Variants in CNTNAP2 observed in about 807,000 individuals in gnomAD.
The protein encoded by CNTNAP2 is contactin-associated protein-like 2.
In CNTNAP2, 98 loss-of-function variants were observed where a neutral mutation model predicts 155.2. The observed-to-expected ratio is 0.63, with a 90% CI of 0.54 to 0.75. CNTNAP2 has a LOEUF of 0.75. CNTNAP2 is among the 30% of genes least tolerant of loss of function. The probability of loss-of-function intolerance (pLI) is 0.00; values close to 1 mark genes in which losing one functional copy is unlikely to be tolerated. For synonymous variants in CNTNAP2, 651 were observed against 631.2 expected, an observed-to-expected ratio of 1.03 and a Z score of -0.47; for missense variants, 1,727 against 1,688.1, an observed-to-expected ratio of 1.02 and a Z score of -0.40.
At chr7:146,182,822 A>G (rs1178824703) in intron 1 of CNTNAP2, among the ~76,000 whole-genome samples, 1 of 151,756 alleles carries the variant, frequency 6.6e-6, no homozygotes, top group Non-Finnish European at 1.5e-5. Flanking sequence ...TGTCTCTCTC[A>G]CTCTTGTACC....
chr7:148,133,124 C>T (rs1406603343), intron 16 of CNTNAP2, among the ~76,000 whole-genome samples: 1 of 151,992 alleles, frequency 6.6e-6, no homozygotes, highest in South Asian at 2.1e-4. Flanking sequence ...ATAAGCTGCT[C>T]TACCCAGTAA....
chr7:147,995,529 G>GTTT lies in CNTNAP2; in HGVS notation c.2383+17542_2383+17543insTTT, dbSNP rs201683391. 2.6e-5 allele frequency among the ~76,000 whole-genome samples: 3 copies of GTTT among 114,112 alleles called. 1 individual carries two copies. Among genetic ancestry groups the GTTT allele is most frequent in the African/African-American group, 7.5e-5 (2 of 26,652 alleles). 74.9% of individuals were successfully genotyped at this position (114,112 alleles called of 152,430 possible). Reference sequence around the variant, plus strand: ...TTGTCCTGCCTCTTCTAATTCTTTTGTTGTTTTTTTTTTTTTGAGATGGAA... The same window carrying GTTT: ...TTGTCCTGCCTCTTCTAATTCTTTTGTTTTTGTTTTTTTTTTTTTGAGATGGAA... On this transcript the variant is annotated intron_variant, in intron 15 of 23. Transcript: ENST00000361727.
intron 3 of CNTNAP2, among the ~76,000 whole-genome samples, chr7:146,974,707 G>A (rs1220301541): frequency 1.3e-5 from 2 of 152,116 alleles, no homozygotes; most frequent in Admixed American, 6.5e-5. Context: ...CTCTTTAGAA[G>A]CAAGAATAGG....
chr7:148,267,197 A>G (rs1231172177), intron 21 of CNTNAP2, 71 bp downstream of exon 21: 4 of 1,338,666 alleles, frequency 3.0e-6, no homozygotes, highest in Non-Finnish European at 4.3e-6. Context: ...TTGGATTTTA[A>G]AACTATCAGG....
chr7:147,978,789 T>C (rs952788226), intron 15 of CNTNAP2, among the ~76,000 whole-genome samples: 4 of 152,068 alleles, frequency 2.6e-5, no homozygotes, highest in African/African-American at 9.7e-5. Context: ...TCTATGCTTT[T>C]GTGATTGTGT....
At chr7:148,337,118 G>C (rs563642182) in intron 21 of CNTNAP2, among the ~76,000 whole-genome samples, 1 of 152,292 alleles carries the variant, frequency 6.6e-6, no homozygotes, top group South Asian at 2.1e-4. Context: ...CAAGGTGCTA[G>C]TGATATCAAC....
intron 13 of CNTNAP2, among the ~76,000 whole-genome samples, chr7:147,877,023 T>G (rs1176463107): frequency 6.6e-6 from 1 of 152,100 alleles, no homozygotes; most frequent in Non-Finnish European, 1.5e-5. Flanking sequence ...AGGGCCCACG[T>G]GGGGCTGTTT....
At chr7:146,356,270 T>G (rs1367954954) in intron 1 of CNTNAP2, among the ~76,000 whole-genome samples, 1 of 152,224 alleles carries the variant, frequency 6.6e-6, no homozygotes, top group Admixed American at 6.5e-5. Context: ...AATCTTTGCA[T>G]TTAGAATGCA....
intron 3 of CNTNAP2, among the ~76,000 whole-genome samples, chr7:146,968,796 G>A (rs1407675500): frequency 6.7e-6 from 1 of 150,032 alleles, no homozygotes; most frequent in East Asian, 1.9e-4. Context: ...AGGGTTTTTT[G>A]TGTCTCTATT....
intron 9 of CNTNAP2, among the ~76,000 whole-genome samples, chr7:147,317,924 T>TC (rs1383986228): frequency 1.3e-5 from 2 of 152,012 alleles, no homozygotes; most frequent in Admixed American, 1.3e-4. Flanking sequence ...CTCTTTCTTC[T>TC]TACCTAGTTT....
chr7:147,155,971 A>G (rs532655011), intron 8 of CNTNAP2, among the ~76,000 whole-genome samples: 2 of 152,228 alleles, frequency 1.3e-5, no homozygotes, highest in African/African-American at 4.8e-5. Context: ...TACTGATACC[A>G]TTTAGTAGGT....
intron 2 of CNTNAP2, among the ~76,000 whole-genome samples, chr7:146,787,773 T>C (rs1214115955): frequency 2.0e-5 from 3 of 152,208 alleles, no homozygotes; most frequent in African/African-American, 7.2e-5. Flanking sequence ...TTGGTCCGTT[T>C]TGACAGAGTG....
intron 1 of CNTNAP2, among the ~76,000 whole-genome samples, chr7:146,298,267 C>T (rs1290875550): frequency 2.0e-5 from 3 of 152,096 alleles, no homozygotes; most frequent in Admixed American, 6.5e-5. Context: ...TGTTTCTTCA[C>T]GAGTCTTCAA....
At chr7:147,596,405 T>A (rs1800828186) in intron 12 of CNTNAP2, among the ~76,000 whole-genome samples, 1 of 152,214 alleles carries the variant, frequency 6.6e-6, no homozygotes, top group Admixed American at 6.5e-5. Context: ...CTTCTACCCC[T>A]ACCTACCCCA....
chr7:146,920,275 A>T (rs960496249), intron 3 of CNTNAP2, among the ~76,000 whole-genome samples: 2 of 152,024 alleles, frequency 1.3e-5, no homozygotes, highest in East Asian at 3.9e-4. Context: ...TTAGTCGATC[A>T]TGGTGGCAGG....
At chr7:146,587,603 C>A (rs147062782) in intron 1 of CNTNAP2, among the ~76,000 whole-genome samples, 1 of 152,058 alleles carries the variant, frequency 6.6e-6, no homozygotes, top group South Asian at 2.1e-4. Context: ...TTTATATGCA[C>A]GTATGATGGT....
chr7:148,406,715 G>A (rs973577657), intron 22 of CNTNAP2, among the ~76,000 whole-genome samples: 1 of 152,198 alleles, frequency 6.6e-6, no homozygotes, highest in Non-Finnish European at 1.5e-5. Flanking sequence ...GGGCAGTAAC[G>A]GTGCAAGTTT....
At chr7:148,340,749 A>G (rs977371717) in intron 21 of CNTNAP2, among the ~76,000 whole-genome samples, 1 of 152,218 alleles carries the variant, frequency 6.6e-6, no homozygotes, top group Non-Finnish European at 1.5e-5. Flanking sequence ...ACAATTAGGA[A>G]AGCGTGGATT....
chr7:146,882,684 A>G lies in CNTNAP2; in HGVS notation c.402+42780A>G, dbSNP rs528442694. Among the ~76,000 whole-genome samples the G allele has an allele frequency of 2.6e-5, 4 of 152,278 alleles. No homozygotes were observed. In the South Asian group the frequency reaches 6.2e-4, roughly 24 times the overall value. Reference sequence around the variant, plus strand: ...CAGTTCTTTATAGCAGTGTGAGAACAGACTAATATACTCAGTAATGGGATT... The same window carrying G: ...CAGTTCTTTATAGCAGTGTGAGAACGGACTAATATACTCAGTAATGGGATT... On this transcript the variant is annotated intron_variant, in intron 3 of 23. Coordinates refer to ENST00000361727, the MANE Select transcript of CNTNAP2 (RefSeq NM_014141.6).
Sources: allele counts gnomAD v4.1 joint callset (sites outside exome capture counted in the v4.1 genomes callset), GRCh38; gene constraint gnomAD v4.1.1; transcripts MANE v1.5; gene names NCBI Gene and HGNC (gene_info 2026-07-23, HGNC 2026-07-21).